The following CSMD3 variants were observed in gnomAD, a reference collection of about 807,000 sequenced individuals.
CSMD3 encodes CUB and sushi domain-containing protein 3.
CSMD3 carries 177 observed loss-of-function variants against 435.2 expected under a neutral mutation model. The ratio of observed to expected loss-of-function variants is 0.41; its 90% CI spans 0.36 to 0.46. CSMD3 has a LOEUF of 0.46. Among genes scored for constraint, CSMD3 ranks in the 20% least tolerant of loss-of-function variants. The pLI, the probability that CSMD3 is intolerant of heterozygous loss-of-function variation, is 0.34. For missense variants in CSMD3, 4,265 were observed against 4,504.6 expected (o/e 0.95, Z 1.52); for synonymous variants, 1,656 against 1,520.5 (o/e 1.09, Z -2.07).
intron 5 of CSMD3, among the ~76,000 whole-genome samples, chr8:113,051,510 C>T (rs1774776934): frequency 6.6e-6 from 1 of 152,074 alleles, no homozygotes; most frequent in Admixed American, 6.6e-5. Flanking sequence ...CTAAATTTTA[C>T]TCTCTTTGAA....
intron 57 of CSMD3, 93 bp from the exon 58 acceptor site, chr8:112,287,339 T>A: frequency 8.6e-7 from 1 of 1,161,700 alleles, no homozygotes; most frequent in South Asian, 1.2e-5. Flanking sequence ...TTTGTTTTTG[T>A]GCATGCGGTG....
At position 112,638,907 on chromosome 8, in the gene CSMD3, C is replaced by T. The variant is rs1452367867; in HGVS notation, c.3315G>A (p.Val1105=). 1 of 1,604,646 alleles carries T rather than the reference C, an allele frequency of 6.2e-7. No homozygotes were observed. Among genetic ancestry groups the T allele is most frequent in the East Asian group, 2.2e-5 (1 of 44,792 alleles). ...WTVDVTHGKG[V]QFNFHTFHLE... ...AATGAAAAGTGTGGAAGTTGAACTG[C>T]ACACCTATTAAGAAAAATAGAAACA... The change falls in exon 21 of 71, where the codon GTG becomes GTA. Residue 1105 remains valine, a synonymous_variant. Coordinates refer to ENST00000297405, the MANE Select transcript of CSMD3 (RefSeq NM_198123.2).
chr8:113,203,654 T>C (rs529928204), intron 3 of CSMD3, among the ~76,000 whole-genome samples: 5 of 152,150 alleles, frequency 3.3e-5, no homozygotes, highest in Admixed American at 6.6e-5. Context: ...AAAATTTAGT[T>C]CTTAAATTCA....
chr8:113,353,210 G>A (rs1012091661), intron 1 of CSMD3, among the ~76,000 whole-genome samples: 1 of 152,124 alleles, frequency 6.6e-6, no homozygotes, highest in African/African-American at 2.4e-5. Flanking sequence ...AAGGACATAG[G>A]AGGAGTAGAA....
At position 112,514,334 on chromosome 8, in the gene CSMD3, C is replaced by A. The variant is rs780870540; in HGVS notation, c.4756+2700G>T. Among the ~76,000 whole-genome samples the A allele has an allele frequency of 2.0e-5, 3 of 152,254 alleles. No individual in the cohort carries two copies. In the South Asian group the frequency reaches 6.2e-4, roughly 32 times the overall value. The stretch of plus-strand genomic sequence containing the variant: ...AAAGAAAATTATCTTTAAATATACT[C>A]AACTTTAAATAGCATTTAGAAATGC... On this transcript the variant is annotated intron_variant, in intron 28 of 70. Transcript: ENST00000297405.
chr8:113,178,075 T>C (rs1020415169), intron 3 of CSMD3, among the ~76,000 whole-genome samples: 45 of 151,956 alleles, frequency 3.0e-4, no homozygotes, highest in African/African-American at 1.0e-3. Flanking sequence ...CATTGCTCTA[T>C]GATATGTACT....
intron 16 of CSMD3, among the ~76,000 whole-genome samples, chr8:112,667,657 C>A (rs1403514490): frequency 6.6e-6 from 1 of 152,076 alleles, no homozygotes; most frequent in Non-Finnish European, 1.5e-5. Flanking sequence ...AACTCCCCTC[C>A]ACTCTGCAGC....
chr8:112,258,993 C>T (rs187198498), intron 61 of CSMD3, among the ~76,000 whole-genome samples: 113 of 151,888 alleles, frequency 7.4e-4, no homozygotes, highest in Non-Finnish European at 9.3e-4. Context: ...GAGCCGAGAT[C>T]GTGCCACTGC....
intron 13 of CSMD3, among the ~76,000 whole-genome samples, chr8:112,775,737 A>G (rs1268038322): frequency 2.6e-5 from 4 of 151,888 alleles, no homozygotes; most frequent in Non-Finnish European, 4.4e-5. Flanking sequence ...TTGCCAATCT[A>G]GTTAATTCAC....
intron 5 of CSMD3, among the ~76,000 whole-genome samples, chr8:113,087,206 T>A (rs546602993): frequency 1.3e-5 from 2 of 152,354 alleles, no homozygotes; most frequent in South Asian, 4.1e-4. Flanking sequence ...GCATCTTTTT[T>A]ATGAATCCAC....
At chr8:112,241,105 C>A (rs192027776) in intron 66 of CSMD3, among the ~76,000 whole-genome samples, 2 of 152,018 alleles carry the variant, frequency 1.3e-5, no homozygotes, top group Non-Finnish European at 2.9e-5. Context: ...CTCTGCACTT[C>A]ATTTGCATGA....
rs575531845 is a variant in CSMD3, at chr8:113,077,649, G to A, written c.917+21107C>T. ...ACCTGGGAGGCAGAGGTTGCAGTGA[G>A]CCGAGATCGCATCACTGGACTCCAG... On this transcript the variant is annotated intron_variant, in intron 5 of 70. Transcript: ENST00000297405. Among the ~76,000 whole-genome samples, 423 of 152,280 alleles carry A rather than the reference G, an allele frequency of 2.8e-3. 2 individuals are homozygous for A. Among genetic ancestry groups the A allele is most frequent in the Non-Finnish European group, 4.3e-3 (295 of 68,004 alleles).
At chr8:112,237,653 C>T (rs1354826073) in intron 66 of CSMD3, among the ~76,000 whole-genome samples, 2 of 151,990 alleles carry the variant, frequency 1.3e-5, no homozygotes, top group African/African-American at 4.8e-5. Flanking sequence ...GTCTTTTATG[C>T]AATATATTTC....
intron 20 of CSMD3, among the ~76,000 whole-genome samples, chr8:112,642,475 G>A (rs1370622216): frequency 2.0e-5 from 3 of 152,084 alleles, no homozygotes; most frequent in Non-Finnish European, 4.4e-5. Context: ...GTTTAATGGT[G>A]AAGAGATTAC....
chr8:113,433,674 G>T (rs1334782743), intron 1 of CSMD3, among the ~76,000 whole-genome samples: 1 of 152,216 alleles, frequency 6.6e-6, no homozygotes. Flanking sequence ...CTGTGCCTTC[G>T]CGGTACCTTC....
At chr8:113,233,717 T>TA (rs1005075504) in intron 3 of CSMD3, among the ~76,000 whole-genome samples, 1 of 151,748 alleles carries the variant, frequency 6.6e-6, no homozygotes, top group East Asian at 1.9e-4. Flanking sequence ...AAGGAAAAGA[T>TA]AAAAAAATGC....
intron 3 of CSMD3, among the ~76,000 whole-genome samples, chr8:113,275,662 A>T (rs1345307878): frequency 2.0e-5 from 3 of 151,996 alleles, no homozygotes; most frequent in African/African-American, 7.2e-5. Context: ...ATAAAAAGAA[A>T]TGAGATTTAC....
chr8:113,353,354 T>C (rs536581743), intron 1 of CSMD3, among the ~76,000 whole-genome samples: 262 of 152,254 alleles, frequency 1.7e-3, no homozygotes, highest in Non-Finnish European at 2.5e-3. Context: ...CAAGAGGCTG[T>C]AGAGAGAATG....
chr8:112,768,846 G>A (rs770374230), intron 13 of CSMD3, among the ~76,000 whole-genome samples: 2 of 151,816 alleles, frequency 1.3e-5, no homozygotes, highest in Non-Finnish European at 2.9e-5. Flanking sequence ...ATCAGGCTTT[G>A]TCAAGGTCAC....
Sources: gnomAD v4.1 joint callset for allele counts (sites outside exome capture counted in the v4.1 genomes callset) on GRCh38, gnomAD v4.1.1 for gene constraint, MANE v1.5 for transcripts, NCBI Gene and HGNC (gene_info 2026-07-23, HGNC 2026-07-21) for gene names.